VTA1: variants seen among roughly 807,000 people sequenced by gnomAD.
VTA1 encodes the protein vacuolar protein sorting-associated protein VTA1 homolog.
VTA1 carries 24 observed loss-of-function variants against 36.9 expected under a neutral mutation model. The ratio of observed to expected loss-of-function variants is 0.65; its 90% confidence interval spans 0.47 to 0.91. VTA1 has a LOEUF of 0.91. Among genes scored for constraint, VTA1 ranks in the 40% least tolerant of loss-of-function variants. The pLI, the probability that VTA1 is intolerant of heterozygous loss-of-function variation, is 0.00. For synonymous variants in VTA1, 142 were observed against 130.2 expected (o/e 1.09, Z -0.62); for missense variants, 393 against 377.2 (o/e 1.04, Z -0.35).
intron 2 of VTA1, among the ~76,000 whole-genome samples, 183 bp downstream of exon 2, chr6:142,166,505 T>C (rs1774917618): frequency 6.6e-6 from 1 of 152,054 alleles, no homozygotes; most frequent in African/African-American, 2.4e-5. Context: ...AGAGAGGTTA[T>C]GAGTGTTAAT....
In VTA1 at chr6:142,223,011, G is replaced by A. The variant is rs1037118362; in HGVS notation, c.*4368G>A. On this transcript the variant is annotated 3_prime_UTR_variant, in exon 8 of 8. Coordinates refer to ENST00000367630, the MANE Select transcript of VTA1 (RefSeq NM_016485.5). Reference sequence around the variant, plus strand: ...GACTGCCTGTTTCAGATCATAAGAAGTATCATCCATGTCAGTAAGTCACCT... The same window carrying A: ...GACTGCCTGTTTCAGATCATAAGAAATATCATCCATGTCAGTAAGTCACCT... 15 of 152,256 alleles carry A rather than the reference G, an allele frequency of 9.9e-5. No individual in the cohort carries two copies. The highest frequency in any genetic ancestry group is 3.4e-3 in the Middle Eastern group (1 of 294). 9.4% of individuals were successfully genotyped at this position (152,256 alleles called of 1,614,324 possible).
At position 142,173,415 on chromosome 6, in the gene VTA1, C is replaced by A. The variant is rs545817043; in HGVS notation, c.411+2994C>A. Among the ~76,000 whole-genome samples, 14 of 152,314 alleles carry A rather than the reference C, an allele frequency of 9.2e-5. No individual in the cohort carries two copies. The South Asian group carries it at 2.9e-3, about 32-fold the overall frequency. On this transcript the variant is annotated intron_variant, in intron 4 of 7. Coordinates refer to ENST00000367630, the MANE Select transcript of VTA1 (RefSeq NM_016485.5). ...GTTTATTGTGCTCTGGGCCTACAGG[C>A]GTGCGCCACCATGCCTGGCTAATTT... is the stretch of plus-strand genomic sequence containing the variant.
At chr6:142,155,224 T>C (rs1053340405) in intron 1 of VTA1, among the ~76,000 whole-genome samples, 3 of 152,188 alleles carry the variant, frequency 2.0e-5, no homozygotes, top group African/African-American at 4.8e-5. Flanking sequence ...AGATCCTTGC[T>C]GACATGGCTG....
chr6:142,151,636 G>A (rs1401611904), intron 1 of VTA1, among the ~76,000 whole-genome samples: 2 of 152,184 alleles, frequency 1.3e-5, no homozygotes, highest in African/African-American at 4.8e-5. Flanking sequence ...GTTAGCAACT[G>A]GCATTGCCAT....
intron 4 of VTA1, among the ~76,000 whole-genome samples, chr6:142,178,196 G>T (rs1165369672): frequency 6.6e-6 from 1 of 152,072 alleles, no homozygotes; most frequent in African/African-American, 2.4e-5. Context: ...TTGAGAAAAT[G>T]TGTTACACAC....
Position 142,155,658 on chromosome 6 carries a change from A to G in VTA1, c.112+8259A>G, listed in dbSNP as rs149557379. On this transcript the variant is annotated intron_variant, in intron 1 of 7. Transcript: ENST00000367630. ...TTAATCAAATTAATTTCATTTTGTTACTAGAACATTAGGCACTTGGTTGTC... is the reference window on the plus strand; with the variant it reads ...TTAATCAAATTAATTTCATTTTGTTGCTAGAACATTAGGCACTTGGTTGTC... 2.0e-3 allele frequency among the ~76,000 whole-genome samples: 311 copies of G among 152,228 alleles called. 2 individuals are homozygous for G. The highest frequency in any genetic ancestry group is 7.2e-3 in the African/African-American group (301 of 41,536).
rs397888471 is a variant in VTA1 at position 142,195,602 on chromosome 6, T to G, written c.521-2837T>G. Among the ~76,000 whole-genome samples, 429 of 149,114 alleles carry G rather than the reference T, an allele frequency of 2.9e-3. 2 individuals are homozygous for G. The highest frequency in any genetic ancestry group is 1.0e-2 in the African/African-American group (409 of 41,004). ...CACTTGGAGTTTAATTTGCTTTTTT[T>G]TTTTTTTTTTTTTAGCTTCTTAGGG... On this transcript the variant is annotated intron_variant, in intron 5 of 7. Transcript: ENST00000367630.
intron 1 of VTA1, among the ~76,000 whole-genome samples, chr6:142,160,523 C>T (rs1774780469): frequency 6.6e-6 from 1 of 152,094 alleles, no homozygotes; most frequent in East Asian, 1.9e-4. Context: ...ACAACTGCCT[C>T]AGTCTCCCTG....
At chr6:142,158,918 T>G (rs2114633978) in intron 1 of VTA1, among the ~76,000 whole-genome samples, 1 of 152,318 alleles carries the variant, frequency 6.6e-6, no homozygotes, top group Admixed American at 6.5e-5. Context: ...TGCCTATAGT[T>G]GTCATACGTT....
intron 4 of VTA1, among the ~76,000 whole-genome samples, chr6:142,184,231 G>A (rs1775298706): frequency 6.6e-6 from 1 of 152,140 alleles, no homozygotes; most frequent in Admixed American, 6.5e-5. Context: ...AATCTGAGTT[G>A]CAAATTGCAG....
intron 7 of VTA1, among the ~76,000 whole-genome samples, chr6:142,211,153 C>G (rs932103551): frequency 6.7e-6 from 1 of 149,748 alleles, no homozygotes; most frequent in Non-Finnish European, 1.5e-5. Context: ...TTAGTGGTTA[C>G]CAAAGGCCAG....
At chr6:142,173,420 G>A (rs1316154820) in intron 4 of VTA1, among the ~76,000 whole-genome samples, 5 of 152,198 alleles carry the variant, frequency 3.3e-5, no homozygotes, top group Non-Finnish European at 5.9e-5. Context: ...ACAGGCGTGC[G>A]CCACCATGCC....
chr6:142,200,274 C>T (rs539313478), intron 6 of VTA1, among the ~76,000 whole-genome samples: 1 of 152,142 alleles, frequency 6.6e-6, no homozygotes, highest in African/African-American at 2.4e-5. Flanking sequence ...AATCAGTGTT[C>T]AGCAGATTAG....
At chr6:142,181,116 T>TATATATAC (rs753996612) in intron 4 of VTA1, among the ~76,000 whole-genome samples, 2,254 of 86,208 alleles carry the variant, frequency 0.026, 48 homozygotes, top group East Asian at 0.082. Context: ...TATATATATA[T>TATATATAC]ACACACACAC....
intron 4 of VTA1, among the ~76,000 whole-genome samples, chr6:142,184,918 C>T (rs1230390434): frequency 6.6e-6 from 1 of 152,126 alleles, no homozygotes; most frequent in East Asian, 1.9e-4. Flanking sequence ...CAGTCCAAGA[C>T]TTTAATCTTG....
chr6:142,177,848 C>T (rs538774557), intron 4 of VTA1, among the ~76,000 whole-genome samples: 1 of 152,168 alleles, frequency 6.6e-6, no homozygotes, highest in African/African-American at 2.4e-5. Flanking sequence ...TCAGCAAATA[C>T]ATAAAATTTT....
At chr6:142,183,532 T>C (rs1240534223) in intron 4 of VTA1, among the ~76,000 whole-genome samples, 2 of 152,188 alleles carry the variant, frequency 1.3e-5, no homozygotes, top group African/African-American at 4.8e-5. Context: ...AATTTGCAGT[T>C]GTCAGTGATT....
chr6:142,147,865 G>A (rs986320838), intron 1 of VTA1, among the ~76,000 whole-genome samples: 2 of 152,176 alleles, frequency 1.3e-5, no homozygotes, highest in African/African-American at 4.8e-5. Flanking sequence ...AAACTCATTT[G>A]GTTAAATGGG....
At chr6:142,157,834 G>T (rs191611773) in intron 1 of VTA1, among the ~76,000 whole-genome samples, 1 of 146,046 alleles carries the variant, frequency 6.8e-6, no homozygotes. Flanking sequence ...TTATTTTTCT[G>T]TGGCTTGTCA....
Sources: allele counts gnomAD v4.1 joint callset (sites outside exome capture counted in the v4.1 genomes callset), GRCh38; gene constraint gnomAD v4.1.1; transcripts MANE v1.5; gene names NCBI Gene and HGNC (gene_info 2026-07-23, HGNC 2026-07-21).